The following ZC3H12B variants were observed in gnomAD, a reference collection of about 807,000 sequenced individuals.
The protein encoded by ZC3H12B is probable ribonuclease ZC3H12B.
Under a neutral mutation model 43.9 loss-of-function variants are expected in ZC3H12B, and 7 were observed. The observed-to-expected ratio is 0.16, with a 90% CI of 0.09 to 0.30. The LOEUF is 0.30. ZC3H12B is among the 10% of genes least tolerant of loss of function. The pLI is 1.00. For synonymous variants in ZC3H12B, 222 were observed against 241.7 expected (o/e 0.92, Z 0.76); for missense variants, 475 against 670.2 (o/e 0.71, Z 3.22).
At chrX:65,362,966 A>G (rs2066124453), upstream of ZC3H12B, among the ~76,000 whole-genome samples, 1 of 110,323 alleles carries the variant, frequency 9.1e-6, no homozygotes, top group Non-Finnish European at 1.9e-5. Context: ...CTTGATCTCA[A>G]ACATGCTTTC....
intron 3 of ZC3H12B, among the ~76,000 whole-genome samples, chrX:65,483,540 T>C (rs1046729379): frequency 2.7e-5 from 3 of 111,498 alleles, no homozygotes; most frequent in Non-Finnish European, 3.8e-5. Context: ...CTTTAACTGA[T>C]GTGCTTGACA....
intron 3 of ZC3H12B, among the ~76,000 whole-genome samples, chrX:65,477,399 CAGG>C (rs2068008314): frequency 9.1e-6 from 1 of 109,760 alleles, no homozygotes; most frequent in South Asian, 3.9e-4. Flanking sequence ...ACACACACAA[CAGG>C]AGTTGTGTGA....
chrX:65,264,262 A>G, the ZC3H12B span, among the ~76,000 whole-genome samples: 1 of 111,764 alleles, frequency 8.9e-6, no homozygotes, highest in Non-Finnish European at 1.9e-5. Context: ...ACCGCTATAC[A>G]GTTCATCCAT....
chrX:65,196,553 C>T, the ZC3H12B span, among the ~76,000 whole-genome samples: 3 of 111,550 alleles, frequency 2.7e-5, no homozygotes, highest in Admixed American at 1.9e-4. Flanking sequence ...GCTGTTGTAA[C>T]CCAAAGCCCA....
chrX:65,273,965 A>G, the ZC3H12B span, among the ~76,000 whole-genome samples: 2 of 112,091 alleles, frequency 1.8e-5, no homozygotes, highest in East Asian at 2.8e-4. Flanking sequence ...AACAGCTAAG[A>G]TTTTACTGCA....
At chrX:65,161,748 T>A in the ZC3H12B span, among the ~76,000 whole-genome samples, 6 of 112,033 alleles carry the variant, frequency 5.4e-5, no homozygotes, top group Non-Finnish European at 7.5e-5. Flanking sequence ...AATTGGAGCA[T>A]TTAGTCCATT....
intron 1 of ZC3H12B, among the ~76,000 whole-genome samples, 176 bp from the exon 4 acceptor site, chrX:65,368,653 T>G (rs1052984564): frequency 1.8e-5 from 2 of 112,180 alleles, no homozygotes; most frequent in Non-Finnish European, 3.8e-5. Context: ...TGCTACATCT[T>G]GGATTAGCAC....
the ZC3H12B span, among the ~76,000 whole-genome samples, chrX:65,285,475 GTATC>G: frequency 9.0e-6 from 1 of 111,286 alleles, no homozygotes; most frequent in Non-Finnish European, 1.9e-5. Flanking sequence ...CAAGATAAAA[GTATC>G]TAGTCACCAA....
At chrX:65,506,713 TTTG>T (rs1441742631) in exon 5 of ZC3H12B, 4 of 112,062 alleles carry the variant, frequency 3.6e-5, no homozygotes, top group East Asian at 2.8e-4. Flanking sequence ...TTTTTGTGAT[TTTG>T]TTGTTGTTTT....
chrX:65,083,884 C>T, the ZC3H12B span, among the ~76,000 whole-genome samples: 1 of 111,764 alleles, frequency 8.9e-6, no homozygotes, highest in Non-Finnish European at 1.9e-5. Flanking sequence ...GTAACCAAAA[C>T]ACTGTGATAC....
chrX:65,282,723 A>G, the ZC3H12B span, among the ~76,000 whole-genome samples: 4 of 111,994 alleles, frequency 3.6e-5, no homozygotes, highest in Non-Finnish European at 7.5e-5. Context: ...GAAAATGTAT[A>G]AGAAATGGAT....
chrX:65,353,026 G>T, the ZC3H12B span, among the ~76,000 whole-genome samples: 2 of 110,046 alleles, frequency 1.8e-5, no homozygotes, highest in African/African-American at 6.6e-5. Flanking sequence ...TTGTGTGTGT[G>T]TGTGTGTGTG....
At chrX:65,047,651 T>G in the ZC3H12B span, among the ~76,000 whole-genome samples, 1 of 111,434 alleles carries the variant, frequency 9.0e-6, no homozygotes, top group South Asian at 3.7e-4. Flanking sequence ...TTCTTTGCTC[T>G]GAAGTCTCCT....
chrX:65,088,608 C>A, the ZC3H12B span, among the ~76,000 whole-genome samples: 1 of 112,133 alleles, frequency 8.9e-6, no homozygotes, highest in South Asian at 3.7e-4. Context: ...CATAACCTCA[C>A]AAAGCAGATT....
At chrX:65,474,453 A>G (rs929396709) in intron 3 of ZC3H12B, among the ~76,000 whole-genome samples, 5 of 111,352 alleles carry the variant, frequency 4.5e-5, no homozygotes, top group African/African-American at 1.3e-4. Context: ...ATAAAGAAAA[A>G]AATCTATTCA....
the ZC3H12B span, among the ~76,000 whole-genome samples, chrX:65,236,320 C>A: frequency 1.8e-5 from 2 of 111,732 alleles, no homozygotes. Flanking sequence ...GCTTTTTTTT[C>A]ATATGTTTCT....
chrX:65,377,316 G>A (rs1407499078), intron 2 of ZC3H12B, among the ~76,000 whole-genome samples: 1 of 110,092 alleles, frequency 9.1e-6, no homozygotes, highest in Non-Finnish European at 1.9e-5. Context: ...GCCTTAAAGA[G>A]GAGGTAGAGA....
At chrX:65,145,491 G>A in the ZC3H12B span, among the ~76,000 whole-genome samples, 1 of 111,595 alleles carries the variant, frequency 9.0e-6, no homozygotes, top group Non-Finnish European at 1.9e-5. Flanking sequence ...GAGATGTGAA[G>A]TACCATTTTA....
the ZC3H12B span, among the ~76,000 whole-genome samples, chrX:65,316,864 G>A: frequency 1.8e-5 from 2 of 111,635 alleles, no homozygotes; most frequent in Non-Finnish European, 3.8e-5. Context: ...GTAGGATAAA[G>A]AATCAAGACC....
Sources: gnomAD v4.1 joint callset for allele counts (sites outside exome capture counted in the v4.1 genomes callset) on GRCh38, gnomAD v4.1.1 for gene constraint, MANE v1.5 for transcripts, NCBI Gene and HGNC (gene_info 2026-07-23, HGNC 2026-07-21) for gene names.